The following CREG2 variants were observed in gnomAD, a reference collection of about 807,000 sequenced individuals.
CREG2 encodes the protein cellular repressor of E1A stimulated genes 2, also known as protein CREG2.
Under a neutral mutation model 26.2 loss-of-function variants are expected in CREG2, and 24 were observed. The ratio of observed to expected loss-of-function variants is 0.92; its 90% CI spans 0.66 to 1.29. The LOEUF is 1.29. Ranked by LOEUF, CREG2 falls within the 50% of genes most tolerant of loss-of-function variation. CREG2 has a pLI of 0.00. For missense variants in CREG2, 366 were observed against 398.6 expected, an observed-to-expected ratio of 0.92 and a Z score of 0.70; for synonymous variants, 174 against 169.2, an observed-to-expected ratio of 1.03 and a Z score of -0.22.
chr2:101,355,397 G>T, intron 2 of CREG2, 31 bp from the exon 3 acceptor site: 1 of 1,401,522 alleles, frequency 7.1e-7, no homozygotes, highest in South Asian at 1.2e-5. Context: ...TTGTATATCA[G>T]AACAAGGACA....
At chr2:101,371,256 A>G (rs1684702272) in intron 2 of CREG2, among the ~76,000 whole-genome samples, 1 of 152,096 alleles carries the variant, frequency 6.6e-6, no homozygotes, top group Non-Finnish European at 1.5e-5. Context: ...GACACATGCT[A>G]TGGAGTGACG....
chr2:101,355,457 C>T (rs1356135788), intron 2 of CREG2, 91 bp from the exon 3 acceptor site: 1 of 754,446 alleles, frequency 1.3e-6, no homozygotes, highest in East Asian at 2.7e-5. Context: ...AAATAGTAGT[C>T]ACATTCCTGG....
intron 2 of CREG2, among the ~76,000 whole-genome samples, chr2:101,378,576 AT>A (rs1007883016): frequency 1.3e-5 from 2 of 152,134 alleles, no homozygotes; most frequent in African/African-American, 4.8e-5. Context: ...GTGCTCACCT[AT>A]TCCTTCTTCA....
intron 2 of CREG2, among the ~76,000 whole-genome samples, chr2:101,381,682 G>A (rs187395142): frequency 2.0e-5 from 3 of 152,334 alleles, no homozygotes; most frequent in Admixed American, 2.0e-4. Context: ...GTACCCATGA[G>A]TGCGTCTCAT....
chr2:101,351,195 G>A (rs984953377), intron 3 of CREG2, 125 bp from the exon 4 acceptor site: 21 of 899,782 alleles, frequency 2.3e-5, no homozygotes, highest in African/African-American at 3.4e-5. Context: ...TCAGCCAGAG[G>A]CAGAACCAGG....
intron 2 of CREG2, among the ~76,000 whole-genome samples, chr2:101,359,302 T>C (rs960055358): frequency 6.6e-6 from 1 of 152,224 alleles, no homozygotes; most frequent in African/African-American, 2.4e-5. Flanking sequence ...GCATGTGCAG[T>C]GGCCTGCCAG....
chr2:101,350,129 C>T lies in CREG2; in HGVS notation c.*794G>A, dbSNP rs1684356100. 6.6e-6 allele frequency: 1 copy of T among 152,306 alleles called. No individual in the cohort carries two copies. Among genetic ancestry groups the T allele is most frequent in the Non-Finnish European group, 1.5e-5 (1 of 68,098 alleles). The allele number at this position is 152,306 out of a possible 1,614,324, so 9.4% of individuals were successfully genotyped here. On this transcript the variant is annotated 3_prime_UTR_variant, in exon 4 of 4. Coordinates refer to ENST00000324768, the MANE Select transcript of CREG2 (RefSeq NM_153836.4). ...CTTTCCCAGCTTCACCCACTCCCCT[C>T]TCCGCTTTCCCCACCACAGAATGGA...
chr2:101,356,080 G>T (rs924137672), intron 2 of CREG2, among the ~76,000 whole-genome samples: 1 of 152,168 alleles, frequency 6.6e-6, no homozygotes, highest in Non-Finnish European at 1.5e-5. Context: ...AGGGGCTGGT[G>T]CAGGAAGGTG....
At chr2:101,369,675 C>G (rs1684674258) in intron 2 of CREG2, among the ~76,000 whole-genome samples, 1 of 152,192 alleles carries the variant, frequency 6.6e-6, no homozygotes, top group African/African-American at 2.4e-5. Context: ...CCATGTGCGT[C>G]TTATACCTTC....
intron 2 of CREG2, among the ~76,000 whole-genome samples, chr2:101,378,962 C>T (rs1376747246): frequency 5.9e-5 from 9 of 151,550 alleles, no homozygotes; most frequent in Admixed American, 4.6e-4. Context: ...GCCGAGATTG[C>T]ACCACTGCAC....
In CREG2 at chr2:101,345,620, A is replaced by G. The variant is rs1239028383; in HGVS notation, c.*5303T>C. 6.6e-6 allele frequency: 1 copy of G among 152,216 alleles called. No homozygotes were observed. Among genetic ancestry groups the G allele is most frequent in the Non-Finnish European group, 1.5e-5 (1 of 68,048 alleles). The allele number at this position is 152,216 out of a possible 1,614,324, so 9.4% of individuals were successfully genotyped here. A position where few individuals can be genotyped will look rare whatever the true frequency, so the allele number is the denominator to read the frequency against. ...AATGAAATAGTCTTTGGTTAAATAG[A>G]TCTAGTTTTGAAAACAGATTTTACA... On this transcript the variant is annotated 3_prime_UTR_variant, in exon 4 of 4. Coordinates refer to ENST00000324768, the MANE Select transcript of CREG2 (RefSeq NM_153836.4).
intron 2 of CREG2, among the ~76,000 whole-genome samples, chr2:101,367,046 G>A (rs1234695213): frequency 6.6e-6 from 1 of 152,090 alleles, no homozygotes; most frequent in Non-Finnish European, 1.5e-5. Flanking sequence ...AGGGTTCCTG[G>A]AACCAATTGC....
intron 2 of CREG2, chr2:101,383,197 G>A (rs1414578780): frequency 1.8e-5 from 6 of 339,448 alleles, no homozygotes; most frequent in Middle Eastern, 9.8e-4. Flanking sequence ...TCCCACCCTC[G>A]CCCTTTTCCA....
intron 2 of CREG2, among the ~76,000 whole-genome samples, chr2:101,362,223 G>A (rs1487893009): frequency 1.3e-5 from 2 of 152,120 alleles, no homozygotes; most frequent in Non-Finnish European, 2.9e-5. Flanking sequence ...ATAAACAGGG[G>A]AGGATCCGTA....
intron 2 of CREG2, among the ~76,000 whole-genome samples, chr2:101,364,859 G>A (rs1021003692): frequency 6.6e-6 from 1 of 152,180 alleles, no homozygotes; most frequent in African/African-American, 2.4e-5. Context: ...ATAGACCATG[G>A]AGTCTAACCT....
intron 2 of CREG2, among the ~76,000 whole-genome samples, chr2:101,370,987 C>T (rs986801565): frequency 2.6e-5 from 4 of 152,210 alleles, no homozygotes; most frequent in African/African-American, 7.2e-5. Context: ...TCTGAAACCA[C>T]GTCTCAGATT....
chr2:101,387,385 G>A lies in CREG2; in HGVS notation c.73C>T (p.Leu25=), dbSNP rs1468651414. The change falls in exon 1 of 4, where the codon CTG becomes TTG. Residue 25 remains leucine, a synonymous_variant. Coordinates refer to ENST00000324768, the MANE Select transcript of CREG2 (RefSeq NM_153836.4). The surrounding 1 kb of genome is among the most constrained non-coding windows in gnomAD (Gnocchi z 4.7). ...RLSWLLCCSA[L]LSPAAGYVIV... ...ACGTAGCCCGCGGCCGGGGACAGCA[G>A]GGCGCTGCAGCACAGCAGCCAGGAG... 1 of 1,455,044 alleles carries A rather than the reference G, an allele frequency of 6.9e-7. No individual in the cohort carries two copies. The highest frequency in any genetic ancestry group is 1.4e-5 in the South Asian group (1 of 73,870). 90.1% of individuals were successfully genotyped at this position (1,455,044 alleles called of 1,614,324 possible). A position where few individuals can be genotyped will look rare whatever the true frequency, so the allele number is the denominator to read the frequency against.
intron 2 of CREG2, among the ~76,000 whole-genome samples, chr2:101,370,600 C>G (rs1034448672): frequency 2.6e-5 from 4 of 152,208 alleles, no homozygotes; most frequent in Admixed American, 1.3e-4. Flanking sequence ...AACTGTGGAT[C>G]AGGAGTACTC....
chr2:101,368,526 A>T (rs1573309806), intron 2 of CREG2, among the ~76,000 whole-genome samples: 1 of 152,128 alleles, frequency 6.6e-6, no homozygotes, highest in African/African-American at 2.4e-5. Context: ...GCCTCTGGGG[A>T]GCTGCACTCC....
Sources: gnomAD v4.1 joint callset for allele counts (sites outside exome capture counted in the v4.1 genomes callset) on GRCh38, gnomAD v4.1.1 for gene constraint, Gnocchi (gnomAD v3.1) non-coding constraint, MANE v1.5 for transcripts, NCBI Gene and HGNC (gene_info 2026-07-23, HGNC 2026-07-21) for gene names.